KIT: variants seen among roughly 807,000 people sequenced by gnomAD.
KIT encodes the protein mast/stem cell growth factor receptor Kit.
A neutral mutation model predicts 105.7 loss-of-function variants in KIT; 16 were observed. The observed-to-expected ratio is 0.15, with a 90% CI of 0.10 to 0.23. The LOEUF (loss-of-function observed/expected upper bound fraction) is 0.23, where lower values mean the gene tolerates loss of function less well. KIT is among the 10% of genes least tolerant of loss of function. The probability of loss-of-function intolerance (pLI) is 1.00; values close to 1 mark genes in which losing one functional copy is unlikely to be tolerated. For missense variants in KIT, 858 were observed against 1,213.8 expected (o/e 0.71, Z 4.36); for synonymous variants, 438 against 441.1 (o/e 0.99, Z 0.09).
intron 1 of KIT, among the ~76,000 whole-genome samples, chr4:54,662,090 T>C (rs1409304703): frequency 1.3e-5 from 2 of 152,184 alleles, no homozygotes; most frequent in African/African-American, 4.8e-5. Context: ...TCTTTAAGAA[T>C]TGAAGGTCAT....
At chr4:54,679,845 A>G (rs537066167) in intron 1 of KIT, among the ~76,000 whole-genome samples, 43 of 152,254 alleles carry the variant, frequency 2.8e-4, no homozygotes, top group Admixed American at 5.2e-4. Flanking sequence ...AGGGAAGTCA[A>G]CTTTTACAAA....
chr4:54,706,240 A>G (rs942799358), intron 5 of KIT, among the ~76,000 whole-genome samples: 71 of 152,082 alleles, frequency 4.7e-4, no homozygotes, highest in African/African-American at 1.7e-3. Flanking sequence ...AAAAAAATCT[A>G]TATTGCTAAA....
intron 1 of KIT, among the ~76,000 whole-genome samples, chr4:54,673,971 A>G (rs1198057590): frequency 1.3e-5 from 2 of 152,144 alleles, no homozygotes; most frequent in Non-Finnish European, 2.9e-5. Context: ...GGGTTTCACC[A>G]TGTTGGCCAG....
chr4:54,664,743 G>C (rs1251266621), intron 1 of KIT, among the ~76,000 whole-genome samples: 1 of 151,790 alleles, frequency 6.6e-6, no homozygotes, highest in Non-Finnish European at 1.5e-5. Context: ...GAGTAGCTGG[G>C]ACCCCAGGCG....
chr4:54,724,940 C>T (rs1722127044), intron 8 of KIT, among the ~76,000 whole-genome samples: 1 of 152,074 alleles, frequency 6.6e-6, no homozygotes, highest in African/African-American at 2.4e-5. Context: ...AGAAAGGAAA[C>T]AGGGAATAGC....
chr4:54,667,925 C>T (rs1487589310), intron 1 of KIT, among the ~76,000 whole-genome samples: 1 of 152,164 alleles, frequency 6.6e-6, no homozygotes, highest in Admixed American at 6.5e-5. Context: ...TTCTCCCTAC[C>T]GACCTTCCCC....
rs1297145844 is a variant in KIT, at chr4:54,703,834, G to A, written c.867G>A (p.Met289Ile). The change falls in exon 5 of 21, where the codon ATG becomes ATA. Residue 289 changes from methionine (M) to isoleucine (I), a missense_variant. This residue lies in a region of KIT where 401 missense variants were observed against 601.0 expected (regional missense o/e 0.67). Coordinates refer to ENST00000288135, the MANE Select transcript of KIT (RefSeq NM_000222.3). ...SARVNDSGVF[M>I]CYANNTFGSA... ...GAGTTAATGATTCTGGAGTGTTCAT[G>A]TGTTATGCCAATAATACTTTTGGAT... 1.4e-5 allele frequency: 22 copies of A among 1,613,960 alleles called. No individual in the cohort carries two copies. Among genetic ancestry groups the A allele is most frequent in the Non-Finnish European group, 1.8e-5 (21 of 1,179,856 alleles).
At chr4:54,683,987 C>A (rs567930625) in intron 1 of KIT, among the ~76,000 whole-genome samples, 2 of 152,166 alleles carry the variant, frequency 1.3e-5, no homozygotes, top group African/African-American at 4.8e-5. Flanking sequence ...AAAAGCAGAA[C>A]ATGAAAATGC....
chr4:54,724,089 C>T (rs1012362894), intron 8 of KIT, among the ~76,000 whole-genome samples: 6 of 152,128 alleles, frequency 3.9e-5, no homozygotes, highest in Admixed American at 3.9e-4. Flanking sequence ...TGCCAAGTTA[C>T]CAAAAAGTAA....
At chr4:54,693,481 C>T (rs1719852665) in intron 1 of KIT, among the ~76,000 whole-genome samples, 1 of 152,132 alleles carries the variant, frequency 6.6e-6, no homozygotes, top group African/African-American at 2.4e-5. Flanking sequence ...TGTTTTTTAA[C>T]TTCACAAGGT....
At chr4:54,708,976 C>T (rs991018601) in intron 6 of KIT, among the ~76,000 whole-genome samples, 5 of 152,140 alleles carry the variant, frequency 3.3e-5, no homozygotes, top group African/African-American at 1.2e-4. Flanking sequence ...GGAAGGTGAG[C>T]AGTGTGGACC....
In KIT at chr4:54,722,448, T is replaced by A. The variant is rs770478233; in HGVS notation, c.1232-1136T>A. Among the ~76,000 whole-genome samples, 3 of 152,176 alleles carry A rather than the reference T, an allele frequency of 2.0e-5. No homozygotes were observed. In the South Asian group the frequency reaches 6.2e-4, roughly 32 times the overall value. ...AAAAATTTAGAGAGATGTAGAAACTTACTCAAGTTCAAAGAACTGAGAAAT... is the reference window on the plus strand; with the variant it reads ...AAAAATTTAGAGAGATGTAGAAACTAACTCAAGTTCAAAGAACTGAGAAAT... On this transcript the variant is annotated intron_variant, in intron 7 of 20. Coordinates refer to ENST00000288135, the MANE Select transcript of KIT (RefSeq NM_000222.3).
intron 2 of KIT, among the ~76,000 whole-genome samples, chr4:54,697,480 A>G (rs1269237828): frequency 6.6e-6 from 1 of 152,164 alleles, no homozygotes; most frequent in Non-Finnish European, 1.5e-5. Flanking sequence ...TCTGGCTTCT[A>G]TGAGGCCCCA....
At position 54,695,550 on chromosome 4, in the gene KIT, C is replaced by A. The variant is rs781633384; in HGVS notation, c.106C>A (p.Pro36Thr). 1 of 1,614,184 alleles carries A rather than the reference C, an allele frequency of 6.2e-7. No individual in the cohort carries two copies. Among genetic ancestry groups the A allele is most frequent in the Non-Finnish European group, 8.5e-7 (1 of 1,180,028 alleles). Residue 36 changes from proline (P) to threonine (T), a missense_variant, in exon 2 of 21, where the codon CCA (proline) becomes ACA (threonine). This residue lies in a region of KIT where 401 missense variants were observed against 601.0 expected (regional missense o/e 0.67). Coordinates refer to ENST00000288135, the MANE Select transcript of KIT (RefSeq NM_000222.3). ...ATCTGTGAGTCCAGGGGAACCGTCT[C>A]CACCATCCATCCATCCAGGAAAATC... ...QPSVSPGEPS[P>T]PSIHPGKSDL...
Position 54,731,558 on chromosome 4 carries a change from G to A in KIT, c.2233+139G>A. The A allele has an allele frequency of 6.6e-6, 5 of 754,356 alleles. No individual in the cohort carries two copies. The South Asian group carries it at 7.4e-5, about 11-fold the overall frequency. The allele number at this position is 754,356 out of a possible 1,614,324, so 46.7% of individuals were successfully genotyped here. On this transcript the variant is annotated intron_variant, in intron 15 of 20. Coordinates refer to ENST00000288135, the MANE Select transcript of KIT (RefSeq NM_000222.3). ...TATGGTAGCAGTGCCAATGGTCAAT[G>A]GCAGTTAGGGTTGCAAGTGGGTGTT...
intron 1 of KIT, among the ~76,000 whole-genome samples, chr4:54,679,838 G>T (rs1718776113): frequency 6.6e-6 from 1 of 152,186 alleles, no homozygotes; most frequent in Non-Finnish European, 1.5e-5. Context: ...CCTTAAAAGG[G>T]AAGTCAACTT....
At chr4:54,737,117 C>G (rs1048557738) in intron 19 of KIT, 58 bp from the exon 20 acceptor site, 2 of 1,130,756 alleles carry the variant, frequency 1.8e-6, no homozygotes, top group Non-Finnish European at 2.7e-6. Flanking sequence ...GATGCCCATA[C>G]ATTTGAAAAC....
chr4:54,733,706 C>G (rs1358470678), intron 17 of KIT, among the ~76,000 whole-genome samples: 1 of 152,060 alleles, frequency 6.6e-6, no homozygotes, highest in Non-Finnish European at 1.5e-5. Context: ...ATTTCCTTGC[C>G]AATTTTTATT....
Position 54,737,249 on chromosome 4 carries a change from T to C in KIT, c.2771T>C (p.Ile924Thr), listed in dbSNP as rs1000138811. ...RPTFKQIVQL[I>T]EKQISESTNH... ...ACATTCAAGCAAATTGTTCAGCTAA[T>C]TGAGAAGCAGATTTCAGAGAGCACC... Residue 924 changes from isoleucine to threonine, a missense_variant, in exon 20 of 21, where the codon ATT (isoleucine) becomes ACT (threonine). By Grantham distance (89) the Ile-to-Thr change is moderately conservative (BLOSUM62 -1). Coordinates refer to ENST00000288135, the MANE Select transcript of KIT (RefSeq NM_000222.3). The C allele has an allele frequency of 2.2e-5, 35 of 1,613,522 alleles. No individual in the cohort carries two copies. Among genetic ancestry groups the C allele is most frequent in the Non-Finnish European group, 2.8e-5 (33 of 1,179,568 alleles).
Sources: allele counts gnomAD v4.1 joint callset (sites outside exome capture counted in the v4.1 genomes callset), GRCh38; gene constraint gnomAD v4.1.1; regional missense constraint gnomAD v4.1.1; transcripts MANE v1.5; gene names NCBI Gene and HGNC (gene_info 2026-07-23, HGNC 2026-07-21).